NGLY1: variants seen among roughly 807,000 people sequenced by gnomAD.
NGLY1 encodes peptide-N(4)-(N-acetyl-beta-glucosaminyl)asparagine amidase.
In NGLY1, 68 loss-of-function variants were observed where a neutral mutation model predicts 84.6. The ratio of observed to expected loss-of-function variants is 0.80; its 90% CI spans 0.66 to 0.98. NGLY1 has a LOEUF of 0.98. NGLY1 is among the 50% of genes least tolerant of loss of function. The probability of loss-of-function intolerance (pLI) is 0.00; values close to 1 mark genes in which losing one functional copy is unlikely to be tolerated. For missense variants in NGLY1, 779 were observed against 770.2 expected (o/e 1.01, Z -0.14); for synonymous variants, 280 against 275.2 (o/e 1.02, Z -0.17).
intron 4 of NGLY1, among the ~76,000 whole-genome samples, chr3:25,741,864 G>A (rs1488317207): frequency 6.6e-6 from 1 of 152,004 alleles, no homozygotes; most frequent in African/African-American, 2.4e-5. Flanking sequence ...AGCCGGGCGT[G>A]GTGGCAGGTA....
intron 2 of NGLY1, among the ~76,000 whole-genome samples, chr3:25,769,994 T>C (rs954140626): frequency 2.0e-5 from 3 of 152,200 alleles, no homozygotes; most frequent in African/African-American, 7.2e-5. Flanking sequence ...GGCCTTTGCA[T>C]CCACATAGCT....
chr3:25,732,093 AGGT>A (rs1705567522), intron 9 of NGLY1, among the ~76,000 whole-genome samples: 1 of 152,172 alleles, frequency 6.6e-6, no homozygotes, highest in African/African-American at 2.4e-5. Context: ...AATTTACATA[AGGT>A]AAAAAAAATT....
intron 10 of NGLY1, among the ~76,000 whole-genome samples, chr3:25,721,297 C>T (rs547323494): frequency 6.6e-6 from 1 of 152,276 alleles, no homozygotes; most frequent in South Asian, 2.1e-4. Flanking sequence ...GAACGCCTGC[C>T]TCAGTCTCCT....
chr3:25,733,836 T>C (rs536356243), intron 8 of NGLY1, 36 bp downstream of exon 8: 1 of 1,449,358 alleles, frequency 6.9e-7, no homozygotes, highest in East Asian at 2.3e-5. Context: ...ATAAAAAATG[T>C]CAACTGTTCT....
chr3:25,722,605 A>T (rs1476927714), intron 10 of NGLY1, among the ~76,000 whole-genome samples: 1 of 152,214 alleles, frequency 6.6e-6, no homozygotes, highest in Non-Finnish European at 1.5e-5. Context: ...AAATGTTCTT[A>T]AACTACTCAG....
At chr3:25,736,480 T>G (rs912164272) in intron 6 of NGLY1, 1 of 1,087,566 alleles carries the variant, frequency 9.2e-7, no homozygotes, top group East Asian at 2.6e-5. Flanking sequence ...TAATGCCACT[T>G]TTGAAACTAC....
At chr3:25,749,571 T>C (rs1027125888) in intron 4 of NGLY1, 8 of 1,536,426 alleles carry the variant, frequency 5.2e-6, no homozygotes, top group African/African-American at 1.4e-5. Flanking sequence ...CTGACTGATA[T>C]GTCAAAAATT....
Position 25,734,002 on chromosome 3 carries a change from A to T in NGLY1, c.1150-20T>A. The T allele has an allele frequency of 6.2e-7, 1 of 1,608,900 alleles. No individual in the cohort carries two copies. Among genetic ancestry groups the T allele is most frequent in the Non-Finnish European group, 8.5e-7 (1 of 1,176,054 alleles). ...AACTACCTGAAACAAATAACAGAATACAAATACTTAACAAGATTACAACCA... is the reference window on the plus strand; with the variant it reads ...AACTACCTGAAACAAATAACAGAATTCAAATACTTAACAAGATTACAACCA... On this transcript the variant is annotated intron_variant, in intron 7 of 11. Transcript: ENST00000280700.
chr3:25,730,137 G>A (rs907261424), intron 9 of NGLY1: 9 of 151,784 alleles, frequency 5.9e-5, no homozygotes, highest in African/African-American at 2.2e-4. Flanking sequence ...TAAAATCCCA[G>A]GCAATCTTTG....
chr3:25,745,644 C>G (rs866634058), intron 4 of NGLY1, among the ~76,000 whole-genome samples: 16 of 152,156 alleles, frequency 1.1e-4, no homozygotes, highest in African/African-American at 1.4e-4. Context: ...ACTTTCACAT[C>G]CATCTTCTCC....
chr3:25,722,274 C>T (rs6782140), intron 10 of NGLY1, among the ~76,000 whole-genome samples: 13,219 of 148,552 alleles, frequency 0.089, 1,211 homozygotes, highest in African/African-American at 0.24. Flanking sequence ...TGTATACACA[C>T]ATATATATAT....
At chr3:25,729,500 C>A (rs1705431632) in intron 9 of NGLY1, 182 bp from the exon 10 acceptor site, 2 of 357,650 alleles carry the variant, frequency 5.6e-6, no homozygotes, top group Admixed American at 9.2e-5. Context: ...TATTATAACT[C>A]TAAACATTAC....
chr3:25,755,043 T>C (rs1213782603), intron 3 of NGLY1: 4 of 1,139,330 alleles, frequency 3.5e-6, no homozygotes, highest in Non-Finnish European at 4.0e-6. Flanking sequence ...AATCAAATTT[T>C]GGAATTTGCT....
chr3:25,764,472 T>C (rs140051966), intron 2 of NGLY1, among the ~76,000 whole-genome samples, 161 bp from the exon 3 acceptor site: 1 of 152,230 alleles, frequency 6.6e-6, no homozygotes, highest in East Asian at 1.9e-4. Context: ...AAATACAGCC[T>C]AAGGTAAATA....
chr3:25,775,226 C>T lies in NGLY1; in HGVS notation c.246+3348G>A, dbSNP rs148338130. On this transcript the variant is annotated intron_variant, in intron 2 of 11. Coordinates refer to ENST00000280700, the MANE Select transcript of NGLY1 (RefSeq NM_018297.4). Reference sequence around the variant, plus strand: ...TAGTATTTCTCAGAGCAAAAGTTCACGATGTGAGTTTCCAGGCACTGTTCT... The same window carrying T: ...TAGTATTTCTCAGAGCAAAAGTTCATGATGTGAGTTTCCAGGCACTGTTCT... 3.3e-4 allele frequency among the ~76,000 whole-genome samples: 50 copies of T among 152,326 alleles called. No individual in the cohort carries two copies. In the East Asian group the frequency reaches 9.3e-3, roughly 28 times the overall value.
chr3:25,751,358 A>C (rs1706741956), intron 3 of NGLY1, 95 bp from the exon 4 acceptor site: 1 of 1,051,900 alleles, frequency 9.5e-7, no homozygotes, highest in Non-Finnish European at 1.3e-6. Flanking sequence ...TTTTACAGAT[A>C]GAAGGGAATG....
intron 3 of NGLY1, among the ~76,000 whole-genome samples, chr3:25,755,890 T>C (rs1707012233): frequency 6.6e-6 from 1 of 152,206 alleles, no homozygotes; most frequent in Admixed American, 6.5e-5. Context: ...ATAGTTTCAT[T>C]AATGTTGAGT....
At chr3:25,749,873 C>G in intron 4 of NGLY1, 1 of 891,846 alleles carries the variant, frequency 1.1e-6, no homozygotes, top group Non-Finnish European at 1.9e-6. Context: ...CAATGCCAGG[C>G]TGCACAGCGA....
intron 7 of NGLY1, chr3:25,735,746 CAG>C: frequency 6.5e-6 from 2 of 309,704 alleles, no homozygotes; most frequent in South Asian, 5.8e-5. Context: ...GTGTTCATGG[CAG>C]CTTAATTTGA....
Sources: gnomAD v4.1 joint callset for allele counts (sites outside exome capture counted in the v4.1 genomes callset) on GRCh38, gnomAD v4.1.1 for gene constraint, MANE v1.5 for transcripts, NCBI Gene and HGNC (gene_info 2026-07-23, HGNC 2026-07-21) for gene names.